The following PLD1 variants were observed in gnomAD, a reference collection of about 807,000 sequenced individuals.
The protein encoded by PLD1 is choline phosphatase 1.
Under a neutral mutation model 137.1 loss-of-function variants are expected in PLD1, and 112 were observed. The observed-to-expected ratio is 0.82, with a 90% confidence interval of 0.70 to 0.96. PLD1 has a LOEUF of 0.96. Ranked by LOEUF, PLD1 falls within the 40% of genes least tolerant of loss-of-function variation. The pLI, the probability that PLD1 is intolerant of heterozygous loss-of-function variation, is 0.00. For missense variants in PLD1, 1,321 were observed against 1,342.0 expected, an observed-to-expected ratio of 0.98 and a Z score of 0.24; for synonymous variants, 431 against 454.7, an observed-to-expected ratio of 0.95 and a Z score of 0.66.
At chr3:171,720,071 G>A (rs1433425950) in intron 8 of PLD1, among the ~76,000 whole-genome samples, 3 of 152,108 alleles carry the variant, frequency 2.0e-5, no homozygotes, top group African/African-American at 7.2e-5. Flanking sequence ...AAGGTGGGCA[G>A]ATCACTTGAG....
chr3:171,677,665 C>A lies in PLD1; in HGVS notation c.1897G>T (p.Gly633Cys). ...DTGSIRSLQTGVGELHGETRF... is the reference protein window; with the variant it reads ...DTGSIRSLQTCVGELHGETRF... ...GTTTCCCCATGCAGCTCTCCCACACCTGTCTGTAAACTACGGATGGACCCG... is the reference window on the plus strand; with the variant it reads ...GTTTCCCCATGCAGCTCTCCCACACATGTCTGTAAACTACGGATGGACCCG... Residue 633 changes from glycine (G) to cysteine (C), a missense_variant, in exon 17 of 27, where the codon GGT (glycine) becomes TGT (cysteine). By Grantham distance (159) the Gly-to-Cys change is radical. Coordinates refer to ENST00000351298, the MANE Select transcript of PLD1 (RefSeq NM_002662.5). 1 of 1,614,062 alleles carries A rather than the reference C, an allele frequency of 6.2e-7. No individual in the cohort carries two copies. Among genetic ancestry groups the A allele is most frequent in the Non-Finnish European group, 8.5e-7 (1 of 1,179,932 alleles).
chr3:171,778,641 G>T (rs1266265317), intron 1 of PLD1, among the ~76,000 whole-genome samples: 2 of 152,120 alleles, frequency 1.3e-5, no homozygotes, highest in East Asian at 3.9e-4. Flanking sequence ...AACTGCAAAG[G>T]CCCAGAGGCC....
intron 23 of PLD1, 101 bp from the exon 24 acceptor site, chr3:171,620,621 G>A (rs116232296): frequency 0.026 from 14,641 of 565,106 alleles, 240 homozygotes; most frequent in Middle Eastern, 0.065. Flanking sequence ...AGACTGTTCA[G>A]AATAGATTGT....
chr3:171,709,449 G>C, intron 10 of PLD1, 111 bp downstream of exon 10: 1 of 818,390 alleles, frequency 1.2e-6, no homozygotes, highest in Admixed American at 2.5e-5. Flanking sequence ...CCCTTGTTAA[G>C]TATAATGCAT....
intron 23 of PLD1, among the ~76,000 whole-genome samples, chr3:171,620,722 C>G (rs1359425476): frequency 3.5e-5 from 2 of 56,388 alleles, no homozygotes; most frequent in Non-Finnish European, 6.7e-5. Flanking sequence ...ATGGCTTTCT[C>G]TCTCTCTCTC....
Position 171,753,959 on chromosome 3 carries a change from CG to C in PLD1, c.-31-15878del, listed in dbSNP as rs367588333. On this transcript the variant is annotated intron_variant, in intron 1 of 26. Transcript: ENST00000351298. ...ATAGGCTGCTCCGTCTGCAGCTTTG[CG>C]TTCCTCCAACCCCATCTTTGCCTGA... 1.7e-3 allele frequency among the ~76,000 whole-genome samples: 262 copies of C among 152,326 alleles called. 1 individual carries two copies. The highest frequency in any genetic ancestry group is 5.9e-3 in the African/African-American group (246 of 41,580).
At chr3:171,680,984 A>T (rs891353010) in intron 16 of PLD1, among the ~76,000 whole-genome samples, 1 of 152,214 alleles carries the variant, frequency 6.6e-6, no homozygotes, top group African/African-American at 2.4e-5. Context: ...GGATTTTCCA[A>T]CATTTAATGG....
intron 12 of PLD1, among the ~76,000 whole-genome samples, chr3:171,696,456 A>G (rs1715704444): frequency 6.6e-6 from 1 of 152,226 alleles, no homozygotes; most frequent in Non-Finnish European, 1.5e-5. Flanking sequence ...AACAGCCATC[A>G]TAAGAGATGT....
intron 21 of PLD1, among the ~76,000 whole-genome samples, chr3:171,652,420 A>AG (rs897349467): frequency 6.6e-6 from 1 of 151,794 alleles, no homozygotes; most frequent in African/African-American, 2.4e-5. Flanking sequence ...CTCAAAAAAA[A>AG]AAAAAAAAAA....
chr3:171,656,596 C>A (rs1218455929), intron 21 of PLD1, among the ~76,000 whole-genome samples: 1 of 152,244 alleles, frequency 6.6e-6, no homozygotes, highest in African/African-American at 2.4e-5. Flanking sequence ...CGGGGCCAGG[C>A]CCCGATCCAG....
chr3:171,786,202 A>G (rs1723008002), intron 1 of PLD1, among the ~76,000 whole-genome samples: 1 of 152,196 alleles, frequency 6.6e-6, no homozygotes, highest in Non-Finnish European at 1.5e-5. Context: ...AACTTTTCCA[A>G]CTATTTGGAA....
Position 171,784,669 on chromosome 3 carries a change from T to C in PLD1, c.-32+25730A>G, listed in dbSNP as rs551135428. Among the ~76,000 whole-genome samples the C allele has an allele frequency of 1.1e-4, 16 of 152,306 alleles. 1 individual carries two copies. The East Asian group carries it at 2.1e-3, about 20-fold the overall frequency. ...CACTGCAACCTGCCCAATCTTTCCA[T>C]AGACATCCTATTTTTCTTCAAGCTC... On this transcript the variant is annotated intron_variant, in intron 1 of 26. Transcript: ENST00000351298.
At position 171,737,942 on chromosome 3, in the gene PLD1, C is replaced by A. The variant is rs776132146; in HGVS notation, c.110G>T (p.Gly37Val). Reference protein sequence around the residue: ...NLDTRELHFEGEEVDYDVSPS... With the variant: ...NLDTRELHFEVEEVDYDVSPS... ...AGACACGTCGTAGTCTACCTCCTCT[C>A]CCTCAAAGTGGAGTTCCCGCGTGTC... Residue 37 changes from glycine to valine, a missense_variant, in exon 2 of 27, where the codon GGA (glycine) becomes GTA (valine). Gly to Val is a moderately radical substitution (Grantham distance 109). Transcript: ENST00000351298. The A allele has an allele frequency of 1.9e-6, 3 of 1,614,042 alleles. No individual in the cohort carries two copies. In the South Asian group the frequency reaches 3.3e-5, roughly 18 times the overall value.
rs750513824 is a variant in PLD1 at position 171,734,872 on chromosome 3, C to T, written c.533G>A (p.Gly178Asp). 30 of 1,595,192 alleles carry T rather than the reference C, an allele frequency of 1.9e-5. No individual in the cohort carries two copies. The highest frequency in any genetic ancestry group is 2.6e-5 in the Non-Finnish European group (30 of 1,163,000). ...AATAGTGAAGAAACTTACTCTTCTA[C>T]CAAGGAATTGTTCTTCTCTTATCAT... Reference protein sequence around the residue: ...ENMIREEQFLGRRKQLEDYLT... With the variant: ...ENMIREEQFLDRRKQLEDYLT... The change falls in exon 5 of 27, where the codon GGT becomes GAT. Residue 178 changes from glycine (G) to aspartate (D), a missense_variant. Physicochemically the swap from Gly to Asp is moderately conservative, Grantham distance 94 (BLOSUM62 -1). Coordinates refer to ENST00000351298, the MANE Select transcript of PLD1 (RefSeq NM_002662.5).
chr3:171,775,054 G>A (rs1722542840), intron 1 of PLD1, among the ~76,000 whole-genome samples: 1 of 152,158 alleles, frequency 6.6e-6, no homozygotes, highest in Non-Finnish European at 1.5e-5. Context: ...TGAGAAGAAA[G>A]AGTGAAATTT....
intron 11 of PLD1, among the ~76,000 whole-genome samples, chr3:171,701,927 T>G (rs1716284685): frequency 6.6e-6 from 1 of 152,172 alleles, no homozygotes. Context: ...TCTAAGTAAG[T>G]GTACCACTTA....
At chr3:171,722,738 A>G (rs186849051) in intron 8 of PLD1, among the ~76,000 whole-genome samples, 176 of 152,276 alleles carry the variant, frequency 1.2e-3, no homozygotes, top group African/African-American at 4.2e-3. Flanking sequence ...TCACAATGCG[A>G]TGGTTTTTAG....
At chr3:171,682,831 C>T (rs915914594) in intron 16 of PLD1, among the ~76,000 whole-genome samples, 1 of 152,122 alleles carries the variant, frequency 6.6e-6, no homozygotes, top group African/African-American at 2.4e-5. Context: ...TCCAAGGAAT[C>T]GACTTTGGAA....
chr3:171,761,538 G>A (rs966485181), intron 1 of PLD1, among the ~76,000 whole-genome samples: 10 of 152,274 alleles, frequency 6.6e-5, no homozygotes, highest in African/African-American at 1.9e-4. Context: ...TGGTTTTACC[G>A]GGGTGTCTGG....
Sources: allele counts gnomAD v4.1 joint callset (sites outside exome capture counted in the v4.1 genomes callset), GRCh38; gene constraint gnomAD v4.1.1; transcripts MANE v1.5; gene names NCBI Gene and HGNC (gene_info 2026-07-23, HGNC 2026-07-21).